The following USP24 variants were observed in gnomAD, a reference collection of about 807,000 sequenced individuals.
USP24 encodes ubiquitin specific peptidase 24.
Under a neutral mutation model 361.6 loss-of-function variants are expected in USP24, and 97 were observed. The observed-to-expected ratio is 0.27, with a 90% confidence interval of 0.23 to 0.32. The LOEUF (loss-of-function observed/expected upper bound fraction) is 0.32. Among genes scored for constraint, USP24 ranks in the 10% least tolerant of loss-of-function variants. The pLI is 1.00. For synonymous variants in USP24, 1,098 were observed against 1,124.6 expected (o/e 0.98, Z 0.47); for missense variants, 2,353 against 3,165.6 (o/e 0.74, Z 6.16).
At chr1:55,163,757 T>C (rs377673410) in intron 7 of USP24, among the ~76,000 whole-genome samples, 32 of 152,180 alleles carry the variant, frequency 2.1e-4, no homozygotes, top group Non-Finnish European at 3.4e-4. Context: ...TTCACTTACA[T>C]GCAGATTTTT....
chr1:55,087,873 T>G (rs1645286404), intron 55 of USP24, among the ~76,000 whole-genome samples: 1 of 152,190 alleles, frequency 6.6e-6, no homozygotes, highest in Non-Finnish European at 1.5e-5. Context: ...GAGAAGCCAC[T>G]TACTATGTGA....
chr1:55,151,537 G>A (rs1224629363), intron 16 of USP24, among the ~76,000 whole-genome samples: 2 of 152,174 alleles, frequency 1.3e-5, no homozygotes, highest in Admixed American at 1.3e-4. Context: ...TAGGTGGCCT[G>A]AAGATAAACA....
At chr1:55,150,443 T>A (rs942738621) in intron 16 of USP24, among the ~76,000 whole-genome samples, 1 of 152,194 alleles carries the variant, frequency 6.6e-6, no homozygotes, top group African/African-American at 2.4e-5. Context: ...GTCAACTACT[T>A]GTGAGACTAG....
intron 37 of USP24, 124 bp from the exon 38 acceptor site, chr1:55,120,880 G>A: frequency 1.6e-6 from 2 of 1,217,862 alleles, no homozygotes; most frequent in Non-Finnish European, 1.1e-6. Context: ...ATACTAGAAA[G>A]GTATGAGTGT....
At chr1:55,072,612 ATATG>A (rs1408797530) in intron 65 of USP24, among the ~76,000 whole-genome samples, 170 bp downstream of exon 65, 4 of 152,234 alleles carry the variant, frequency 2.6e-5, no homozygotes, top group African/African-American at 9.6e-5. Context: ...AAGTTAAGAC[ATATG>A]TATTAGGACA....
intron 1 of USP24, 29 bp from the exon 2 acceptor site, chr1:55,178,161 A>G: frequency 7.0e-7 from 1 of 1,435,804 alleles, no homozygotes; most frequent in Non-Finnish European, 9.1e-7. Flanking sequence ...GATAAAAAGC[A>G]AATAAAACTA....
chr1:55,114,256 T>C (rs996474571), intron 38 of USP24, among the ~76,000 whole-genome samples: 5 of 152,168 alleles, frequency 3.3e-5, no homozygotes, highest in African/African-American at 4.8e-5. Context: ...CACAAACAAA[T>C]GGAAAAACAT....
chr1:55,089,651 C>A lies in USP24; in HGVS notation c.6644G>T (p.Ser2215Ile). The change falls in exon 55 of 68, where the codon AGT becomes ATT. Residue 2215 changes from serine to isoleucine, a missense_variant. Ser to Ile is a moderately radical substitution (Grantham distance 142). Coordinates refer to ENST00000294383, the MANE Select transcript of USP24 (RefSeq NM_015306.3). ...ACQWLVEYFI[S>I]SEGRELIKIF... is the part of the protein sequence containing the mutation. The stretch of plus-strand genomic sequence containing the variant: ...CTTTATCAATTCTCGTCCTTCAGAA[C>A]TAATAAAATATTCAACTAACCACTG... 1 of 1,595,562 alleles carries A rather than the reference C, an allele frequency of 6.3e-7. No individual in the cohort carries two copies. Among genetic ancestry groups the A allele is most frequent in the Non-Finnish European group, 8.5e-7 (1 of 1,169,926 alleles).
At position 55,148,463 on chromosome 1, in the gene USP24, C is replaced by T. The variant is rs1458630900; in HGVS notation, c.1968G>A (p.Lys656=). ...TAATAAAAAATAGCTATACCCTTAC[C>T]TTGTCTTGCTTTTGATAGGTTTGTT... is the stretch of plus-strand genomic sequence containing the variant. ...FIKQTYQKQD[K]SIIQDLKKNF... Residue 656 remains lysine (K), a splice_region_variant and synonymous_variant, in exon 17 of 68, where the codon AAG becomes AAA. Coordinates refer to ENST00000294383, the MANE Select transcript of USP24 (RefSeq NM_015306.3). 6.4e-7 allele frequency: 1 copy of T among 1,565,624 alleles called. No homozygotes were observed. The highest frequency in any genetic ancestry group is 1.2e-5 in the South Asian group (1 of 84,216).
chr1:55,107,185 G>A, intron 40 of USP24, 54 bp downstream of exon 40: 5 of 1,562,422 alleles, frequency 3.2e-6, no homozygotes, highest in African/African-American at 1.4e-5. Context: ...CACAGTACTG[G>A]CAATAACCGA....
At chr1:55,087,979 T>C (rs998647852) in intron 55 of USP24, among the ~76,000 whole-genome samples, 5 of 152,186 alleles carry the variant, frequency 3.3e-5, no homozygotes, top group Non-Finnish European at 7.3e-5. Flanking sequence ...AATGAGCCAG[T>C]ATGGCTAAAG....
rs184683609 is a variant in USP24 at position 55,067,504 on chromosome 1, T to C, written c.*1541A>G. ...CCTCCAGCAAGTCACAGAATAACAA[T>C]GAAGTCTGACAGCACAGAAACCCTC... is the stretch of plus-strand genomic sequence containing the variant. On this transcript the variant is annotated 3_prime_UTR_variant, in exon 68 of 68. Transcript: ENST00000294383. 6.6e-6 allele frequency: 1 copy of C among 152,324 alleles called. No individual in the cohort carries two copies. The allele number at this position is 152,324 out of a possible 1,614,324, so 9.4% of individuals were successfully genotyped here.
At position 55,195,155 on chromosome 1, in the gene USP24, T is replaced by C. The variant is rs534799042; in HGVS notation, c.325-17023A>G. Among the ~76,000 whole-genome samples, 3 of 152,334 alleles carry C rather than the reference T, an allele frequency of 2.0e-5. No homozygotes were observed. The East Asian group carries it at 5.8e-4, about 29-fold the overall frequency. The stretch of plus-strand genomic sequence containing the variant: ...TGCCTAGAAAGTAAAAGCAAGCTTC[T>C]TGCATTGGCAGGCAAGGCTCTCCAT... On this transcript the variant is annotated intron_variant, in intron 1 of 67. Coordinates refer to ENST00000294383, the MANE Select transcript of USP24 (RefSeq NM_015306.3).
Position 55,098,514 on chromosome 1 carries a change from G to T in USP24, c.5415C>A (p.Ile1805=), listed in dbSNP as rs191993445. The T allele has an allele frequency of 1.4e-5, 23 of 1,613,128 alleles. No individual in the cohort carries two copies. Among genetic ancestry groups the T allele is most frequent in the African/African-American group, 2.7e-5 (2 of 75,048 alleles). ...DQIFKNTFQG[I]YSDQKICKDC... ...CTTTACAGATCTTCTGATCAGAGTA[G>T]ATGCCCTGAAATGTATTCTTAAAAA... Residue 1805 remains isoleucine (I), a synonymous_variant, in exon 46 of 68, where the codon ATC becomes ATA. Transcript: ENST00000294383.
chr1:55,079,187 A>C (rs766580302), intron 60 of USP24, among the ~76,000 whole-genome samples: 1 of 152,132 alleles, frequency 6.6e-6, no homozygotes, highest in Non-Finnish European at 1.5e-5. Flanking sequence ...GAGGTTTAAC[A>C]ACACACGTGG....
In USP24 at chr1:55,123,601, T is replaced by G; in HGVS notation, c.4122A>C (p.Gly1374=). ...AGIRNRLSSS[G]SNCSSGSEGE... ...CTTCACTTCCAGAGCTGCAATTGCT[T>G]CCTGAAAACAGGTAAGCAGAAATTT... The change falls in exon 36 of 68, where the codon GGA becomes GGC. Residue 1374 remains glycine (G), a splice_region_variant and synonymous_variant. Transcript: ENST00000294383. 1.3e-6 allele frequency: 2 copies of G among 1,589,634 alleles called. No homozygotes were observed. Among genetic ancestry groups the G allele is most frequent in the South Asian group, 2.3e-5 (2 of 86,326 alleles).
rs2100757222 is a variant in USP24 at position 55,158,929 on chromosome 1, C to T, written c.1176G>A (p.Leu392=). Residue 392 remains leucine, a synonymous_variant, in exon 10 of 68, where the codon TTG becomes TTA. Transcript: ENST00000294383. ...IVDDLRLDIL[L]RMLKSPHFSA... is the part of the protein sequence containing the mutation. The stretch of plus-strand genomic sequence containing the variant: ...TGAAATGTGGTGATTTCAGCATGCG[C>T]AATAGAATATCTAGTCGAAGGTCAT... 2.5e-6 allele frequency: 4 copies of T among 1,590,932 alleles called. No homozygotes were observed. The highest frequency in any genetic ancestry group is 3.4e-6 in the Non-Finnish European group (4 of 1,167,190).
chr1:55,094,846 C>A (rs1022538033), intron 51 of USP24, among the ~76,000 whole-genome samples: 12 of 151,732 alleles, frequency 7.9e-5, no homozygotes, highest in Non-Finnish European at 1.8e-4. Context: ...AAAAAACAGA[C>A]AAACCAAATA....
intron 16 of USP24, chr1:55,152,046 C>CTCCAGG: frequency 1.1e-6 from 1 of 948,244 alleles, no homozygotes; most frequent in Non-Finnish European, 1.3e-6. Flanking sequence ...CTGCCTGGAG[C>CTCCAGG]CATATCCAGG....
Sources: gnomAD v4.1 joint callset for allele counts (sites outside exome capture counted in the v4.1 genomes callset) on GRCh38, gnomAD v4.1.1 for gene constraint, MANE v1.5 for transcripts, NCBI Gene and HGNC (gene_info 2026-07-23, HGNC 2026-07-21) for gene names.